SIAH1: variants seen among roughly 807,000 people sequenced by gnomAD.
SIAH1 encodes E3 ubiquitin-protein ligase SIAH1.
A neutral mutation model predicts 20.0 loss-of-function variants in SIAH1; 2 were observed. The ratio of observed to expected loss-of-function variants is 0.10; its 90% CI spans 0.04 to 0.31. The LOEUF is 0.31. SIAH1 is among the 10% of genes least tolerant of loss of function. The probability of loss-of-function intolerance (pLI) is 1.00; values close to 1 mark genes in which losing one functional copy is unlikely to be tolerated. For missense variants in SIAH1, 119 were observed against 355.3 expected (o/e 0.33, Z 5.35); for synonymous variants, 118 against 125.3 (o/e 0.94, Z 0.39).
upstream of SIAH1, chr16:48,387,238 G>A (rs550593098): frequency 2.0e-5 from 3 of 152,158 alleles, no homozygotes; most frequent in African/African-American, 7.2e-5. Flanking sequence ...CTCTAGAAGA[G>A]TCCAAGTTAC....
chr16:48,377,390 CTTTTTT>C (rs774317002), intron 1 of SIAH1, among the ~76,000 whole-genome samples: 2 of 132,112 alleles, frequency 1.5e-5, no homozygotes, highest in Non-Finnish European at 3.2e-5. Flanking sequence ...TTCTGGAAGA[CTTTTTT>C]TTTTTTTTTT....
chr16:48,384,440 G>GA (rs1209221522), intron 1 of SIAH1, among the ~76,000 whole-genome samples: 2 of 152,168 alleles, frequency 1.3e-5, no homozygotes, highest in African/African-American at 4.8e-5. Flanking sequence ...AAATTTGGGA[G>GA]AGTTAAGAAA....
upstream of SIAH1, among the ~76,000 whole-genome samples, chr16:48,386,265 G>A (rs951003190): frequency 6.6e-6 from 1 of 152,202 alleles, no homozygotes; most frequent in African/African-American, 2.4e-5. Context: ...CCAGCACTTA[G>A]GGAGGCCGAG....
At chr16:48,383,063 G>A (rs138557633) in intron 1 of SIAH1, among the ~76,000 whole-genome samples, 1,560 of 152,254 alleles carry the variant, frequency 0.01, 12 homozygotes, top group Non-Finnish European at 0.016. Flanking sequence ...AGCTTAGAGG[G>A]AATAGATTAA....
upstream of SIAH1, among the ~76,000 whole-genome samples, chr16:48,386,508 AAAAAAT>A (rs869033354): frequency 5.3e-5 from 8 of 152,372 alleles, no homozygotes; most frequent in Admixed American, 2.6e-4. Flanking sequence ...CTCTGTCTCA[AAAAAAT>A]AAAAATAAAA....
chr16:48,362,499 T>C lies in SIAH1; in HGVS notation c.-2-69A>G. On this transcript the variant is annotated intron_variant, in intron 1 of 1. Transcript: ENST00000394725. The surrounding 1 kb of genome is among the most constrained non-coding windows in gnomAD (Gnocchi z 4.2). The stretch of plus-strand genomic sequence containing the variant: ...CATGACTTACTTTATAAATAATGTT[T>C]ACATGCCATAAGTCCTTTTAAAGTT... The C allele has an allele frequency of 1.3e-6, 2 of 1,491,724 alleles. 1 individual carries two copies. Among genetic ancestry groups the C allele is most frequent in the Middle Eastern group, 3.5e-4 (2 of 5,720 alleles). 92.4% of individuals were successfully genotyped at this position (1,491,724 alleles called of 1,614,324 possible).
intron 1 of SIAH1, among the ~76,000 whole-genome samples, chr16:48,373,561 T>C (rs374379231): frequency 2.6e-5 from 4 of 152,068 alleles, no homozygotes; most frequent in African/African-American, 9.7e-5. Context: ...ACCACTACCA[T>C]CTAGTCCAAG....
intron 1 of SIAH1, among the ~76,000 whole-genome samples, chr16:48,366,652 C>T (rs372364802): frequency 6.6e-6 from 1 of 152,170 alleles, no homozygotes; most frequent in African/African-American, 2.4e-5. Flanking sequence ...TCAGCTAGTG[C>T]GTGCAGAGGT....
At chr16:48,374,666 G>A (rs2151051667) in intron 1 of SIAH1, among the ~76,000 whole-genome samples, 1 of 152,262 alleles carries the variant, frequency 6.6e-6, no homozygotes, top group Non-Finnish European at 1.5e-5. Flanking sequence ...GGAACATTTA[G>A]ACAAGCGGCA....
intron 1 of SIAH1, among the ~76,000 whole-genome samples, chr16:48,377,430 T>C (rs1212366676): frequency 6.6e-6 from 1 of 151,346 alleles, no homozygotes; most frequent in Non-Finnish European, 1.5e-5. Context: ...CTTGTTCTGT[T>C]GCCCAGGCTG....
chr16:48,374,345 A>G (rs1191379237), intron 1 of SIAH1, among the ~76,000 whole-genome samples: 2 of 152,218 alleles, frequency 1.3e-5, no homozygotes, highest in African/African-American at 2.4e-5. Flanking sequence ...AGCAACATCC[A>G]AAGTCAGAAA....
intron 1 of SIAH1, among the ~76,000 whole-genome samples, chr16:48,368,969 T>C (rs1385892189): frequency 2.6e-5 from 4 of 152,204 alleles, no homozygotes; most frequent in African/African-American, 9.6e-5. Context: ...CCAAACTCAT[T>C]TGACATTGTG....
At chr16:48,363,654 G>A (rs1252545747) in intron 1 of SIAH1, 1 of 167,216 alleles carries the variant, frequency 6.0e-6, no homozygotes, top group Non-Finnish European at 1.5e-5. Context: ...TACTGGGGGT[G>A]GGGGATGGAG....
chr16:48,378,635 A>G (rs1443225742), intron 1 of SIAH1, among the ~76,000 whole-genome samples: 1 of 152,234 alleles, frequency 6.6e-6, no homozygotes, highest in Non-Finnish European at 1.5e-5. Flanking sequence ...AAGTCCTAAT[A>G]TTGCTCTAGG....
intron 1 of SIAH1, among the ~76,000 whole-genome samples, chr16:48,380,928 C>CAAGAAAAAAAAAAAA (rs1961263587): frequency 4.4e-5 from 2 of 44,956 alleles, no homozygotes; most frequent in Non-Finnish European, 7.4e-5. Flanking sequence ...GACTCCGTCT[C>CAAGAAAAAAAAAAAA]AAAAAAAAAA....
At chr16:48,366,309 TTA>T (rs1259334264) in intron 1 of SIAH1, among the ~76,000 whole-genome samples, 1 of 152,208 alleles carries the variant, frequency 6.6e-6, no homozygotes, top group Non-Finnish European at 1.5e-5. Context: ...CTCTAAATTT[TTA>T]GAGTGAAAAC....
At chr16:48,377,279 AAAC>A (rs968959708) in intron 1 of SIAH1, among the ~76,000 whole-genome samples, 10 of 152,250 alleles carry the variant, frequency 6.6e-5, no homozygotes, top group African/African-American at 2.2e-4. Context: ...AAAACAAAAA[AAAC>A]AAGTCAGTTC....
Position 48,372,493 on chromosome 16 carries a change from T to C in SIAH1, c.-2-10063A>G, listed in dbSNP as rs554181816. Among the ~76,000 whole-genome samples, 72 of 152,358 alleles carry C rather than the reference T, an allele frequency of 4.7e-4. 1 individual carries two copies. The highest frequency in any genetic ancestry group is 9.3e-4 in the Non-Finnish European group (63 of 68,038). ...TCTAAAAAACAGTATCAACACATTC[T>C]GAATCATCTGAATACACCTGTTAGC... On this transcript the variant is annotated intron_variant, in intron 1 of 1. Coordinates refer to ENST00000394725, the MANE Select transcript of SIAH1 (RefSeq NM_003031.4).
At chr16:48,371,953 A>G (rs921639301) in intron 1 of SIAH1, among the ~76,000 whole-genome samples, 3 of 152,196 alleles carry the variant, frequency 2.0e-5, no homozygotes, top group African/African-American at 7.2e-5. Flanking sequence ...ACTCTACCAT[A>G]TAATTCATTC....
Sources: gnomAD v4.1 joint callset for allele counts (sites outside exome capture counted in the v4.1 genomes callset) on GRCh38, gnomAD v4.1.1 for gene constraint, Gnocchi (gnomAD v3.1) non-coding constraint, MANE v1.5 for transcripts, NCBI Gene and HGNC (gene_info 2026-07-23, HGNC 2026-07-21) for gene names.